Variants in DLC1 observed in about 807,000 individuals in gnomAD.
DLC1 encodes the protein rho GTPase-activating protein 7.
In DLC1, 54 loss-of-function variants were observed where a neutral mutation model predicts 140.3. The observed-to-expected ratio is 0.38, with a 90% confidence interval of 0.31 to 0.48. DLC1 has a LOEUF of 0.48. DLC1 is among the 20% of genes least tolerant of loss of function. The pLI is 0.96. For synonymous variants in DLC1, 986 were observed against 728.1 expected (o/e 1.35, Z -5.70); for missense variants, 2,536 against 1,907.0 (o/e 1.33, Z -6.14).
intron 5 of DLC1, among the ~76,000 whole-genome samples, chr8:13,256,835 C>A (rs1830249440): frequency 6.8e-6 from 1 of 147,928 alleles, no homozygotes; most frequent in Non-Finnish European, 1.5e-5. Context: ...CACGTGTATA[C>A]CTATGTAACA....
At chr8:13,185,122 CTTTTTTT>C (rs1193667992) in intron 5 of DLC1, among the ~76,000 whole-genome samples, 10 of 84,568 alleles carry the variant, frequency 1.2e-4, no homozygotes, top group African/African-American at 5.2e-4. Context: ...GCAACCCCTG[CTTTTTTT>C]TTTTTTTTTT....
rs538849130 is a variant in DLC1 at position 13,232,627 on chromosome 8, C to T, written c.1348+72642G>A. On this transcript the variant is annotated intron_variant, in intron 5 of 17. Coordinates refer to ENST00000276297, the MANE Select transcript of DLC1 (RefSeq NM_182643.3). ...ATTACAGGCATGAGCCACGGTGCCC[C>T]GCCTCTGCTACAGTCTTGGCATGAC... Among the ~76,000 whole-genome samples the T allele has an allele frequency of 7.9e-5, 12 of 152,114 alleles. No individual in the cohort carries two copies. The South Asian group carries it at 1.9e-3, about 24-fold the overall frequency.
intron 2 of DLC1, among the ~76,000 whole-genome samples, chr8:13,451,208 C>A (rs1451160025): frequency 6.6e-6 from 1 of 151,964 alleles, no homozygotes; most frequent in East Asian, 1.9e-4. Flanking sequence ...CATTTATTGA[C>A]TATTTAAAAA....
intron 5 of DLC1, among the ~76,000 whole-genome samples, chr8:13,164,646 C>T (rs934713509): frequency 7.2e-5 from 11 of 152,172 alleles, no homozygotes; most frequent in Non-Finnish European, 1.5e-4. Flanking sequence ...CTTCACCCCT[C>T]TGGAGGTAGC....
chr8:13,478,482 T>C (rs1800540566), intron 2 of DLC1, among the ~76,000 whole-genome samples: 1 of 152,190 alleles, frequency 6.6e-6, no homozygotes, highest in African/African-American at 2.4e-5. Context: ...TTCTCTCCTG[T>C]TCAGGGATGA....
chr8:13,115,848 G>A (rs908388488), intron 5 of DLC1, among the ~76,000 whole-genome samples, 191 bp from the exon 6 acceptor site: 1 of 152,118 alleles, frequency 6.6e-6, no homozygotes, highest in African/African-American at 2.4e-5. Context: ...TTTTTCACGT[G>A]TACATGAGGA....
At chr8:13,103,268 G>A (rs1029822195) in intron 7 of DLC1, among the ~76,000 whole-genome samples, 8 of 151,642 alleles carry the variant, frequency 5.3e-5, no homozygotes, top group Non-Finnish European at 8.8e-5. Context: ...CCAAGATAGC[G>A]CCACTGCACT....
intron 7 of DLC1, among the ~76,000 whole-genome samples, chr8:13,103,546 G>C (rs1819286783): frequency 6.6e-6 from 1 of 151,352 alleles, no homozygotes; most frequent in South Asian, 2.1e-4. Flanking sequence ...AGCCAAGAAA[G>C]AAAAGTTTGT....
At chr8:13,087,220 G>A (rs1817639121) in intron 16 of DLC1, among the ~76,000 whole-genome samples, 1 of 152,142 alleles carries the variant, frequency 6.6e-6, no homozygotes, top group South Asian at 2.1e-4. Flanking sequence ...TGGACAATAT[G>A]GTGACACCAT....
chr8:13,298,836 A>C (rs1563234416), intron 5 of DLC1, among the ~76,000 whole-genome samples: 1 of 152,166 alleles, frequency 6.6e-6, no homozygotes, highest in Non-Finnish European at 1.5e-5. Flanking sequence ...CATGCAACAA[A>C]TCTGCACTTG....
intron 4 of DLC1, among the ~76,000 whole-genome samples, chr8:13,344,529 C>T (rs1218054122): frequency 1.3e-5 from 2 of 152,174 alleles, no homozygotes; most frequent in Admixed American, 6.5e-5. Context: ...TTTCAATCTA[C>T]AGGGAAAGTT....
chr8:13,213,925 A>T (rs572119204), intron 5 of DLC1, among the ~76,000 whole-genome samples: 134 of 152,156 alleles, frequency 8.8e-4, no homozygotes, highest in African/African-American at 2.8e-3. Flanking sequence ...CTGGGATTAC[A>T]GGCGACTCCC....
intron 8 of DLC1, 68 bp from the exon 9 acceptor site, chr8:13,100,838 G>T (rs1156615059): frequency 2.7e-6 from 4 of 1,485,716 alleles, no homozygotes; most frequent in Middle Eastern, 1.9e-4. Flanking sequence ...GGCATGAGCA[G>T]GAGGCTGCTC....
chr8:13,097,651 T>C (rs1337144481), intron 10 of DLC1, among the ~76,000 whole-genome samples: 2 of 152,206 alleles, frequency 1.3e-5, no homozygotes, highest in Admixed American at 6.5e-5. Context: ...CATTAAATCT[T>C]ATTGTTTTCC....
chr8:13,530,979 G>A (rs565734337), intron 1 of DLC1, among the ~76,000 whole-genome samples: 63 of 152,148 alleles, frequency 4.1e-4, no homozygotes, highest in Non-Finnish European at 5.3e-4. Flanking sequence ...ATGCATTTGG[G>A]AGACAATTAG....
At position 13,161,041 on chromosome 8, in the gene DLC1, A is replaced by G. The variant is rs566788958; in HGVS notation, c.1349-45384T>C. Among the ~76,000 whole-genome samples the G allele has an allele frequency of 7.9e-5, 12 of 152,342 alleles. No homozygotes were observed. The East Asian group carries it at 2.1e-3, about 27-fold the overall frequency. On this transcript the variant is annotated intron_variant, in intron 5 of 17. Coordinates refer to ENST00000276297, the MANE Select transcript of DLC1 (RefSeq NM_182643.3). Reference sequence around the variant, plus strand: ...GCTTGCAGTGAGCCGAGATCGCGCCACTGCTCTCCAGCCTGGGCGACAGAG... The same window carrying G: ...GCTTGCAGTGAGCCGAGATCGCGCCGCTGCTCTCCAGCCTGGGCGACAGAG...
intron 1 of DLC1, among the ~76,000 whole-genome samples, chr8:13,504,121 ATTTTTTT>A (rs370240794): frequency 1.6e-5 from 2 of 126,454 alleles, no homozygotes; most frequent in African/African-American, 3.0e-5. Flanking sequence ...ATTTCAGAGA[ATTTTTTT>A]TTTTTTTTTT....
chr8:13,546,351 C>T (rs574473633), intron 1 of DLC1, among the ~76,000 whole-genome samples: 4 of 152,054 alleles, frequency 2.6e-5, no homozygotes, highest in East Asian at 3.9e-4. Context: ...ATTTATGAAT[C>T]GCAATCTTGA....
chr8:13,086,336 C>G lies in DLC1; in HGVS notation c.4420G>C (p.Gly1474Arg). 1 of 1,614,206 alleles carries G rather than the reference C, an allele frequency of 6.2e-7. No individual in the cohort carries two copies. The highest frequency in any genetic ancestry group is 8.5e-7 in the Non-Finnish European group (1 of 1,180,046). ...LLSRYLIEPC[G>R]PGKSKLTYMC... The stretch of plus-strand genomic sequence containing the variant: ...TAGGTGAGTTTGGATTTTCCTGGCC[C>G]ACAGGGTTCAATCAAATACCTGGAC... The change falls in exon 17 of 18, where the codon GGG becomes CGG. Residue 1474 changes from glycine to arginine, a missense_variant. Physicochemically the swap from Gly to Arg is moderately radical, Grantham distance 125. Coordinates refer to ENST00000276297, the MANE Select transcript of DLC1 (RefSeq NM_182643.3).
Sources: gnomAD v4.1 joint callset for allele counts (sites outside exome capture counted in the v4.1 genomes callset) on GRCh38, gnomAD v4.1.1 for gene constraint, MANE v1.5 for transcripts, NCBI Gene and HGNC (gene_info 2026-07-23, HGNC 2026-07-21) for gene names.